The following EPHX2 variants were observed in gnomAD, a reference collection of about 807,000 sequenced individuals.
EPHX2 encodes bifunctional epoxide hydrolase 2.
EPHX2 carries 74 observed loss-of-function variants against 78.7 expected under a neutral mutation model. That is an observed-to-expected ratio of 0.94 (90% CI 0.78 to 1.14). EPHX2 has a LOEUF of 1.14. Ranked by LOEUF, EPHX2 falls within the 50% of genes most tolerant of loss-of-function variation. EPHX2 has a pLI of 0.00. For missense variants in EPHX2, 715 were observed against 702.5 expected (o/e 1.02, Z -0.20); for synonymous variants, 251 against 255.2 (o/e 0.98, Z 0.16).
chr8:27,502,103 C>T (rs62504278), intron 2 of EPHX2, among the ~76,000 whole-genome samples: 17,624 of 152,156 alleles, frequency 0.12, 1,076 homozygotes, highest in African/African-American at 0.17. Flanking sequence ...GCTCTGGATA[C>T]CATCCCTCCA....
chr8:27,502,552 G>A (rs1157783727), intron 2 of EPHX2, among the ~76,000 whole-genome samples: 1 of 152,204 alleles, frequency 6.6e-6, no homozygotes, highest in Non-Finnish European at 1.5e-5. Context: ...TGGAGGCTGG[G>A]AAGTCCAAGA....
chr8:27,526,773 A>T (rs1403865593), intron 12 of EPHX2, among the ~76,000 whole-genome samples: 2 of 151,916 alleles, frequency 1.3e-5, no homozygotes, highest in Non-Finnish European at 2.9e-5. Flanking sequence ...TTTTTGAGAC[A>T]GGATCTCACT....
chr8:27,493,321 G>A (rs1813454100), intron 1 of EPHX2, among the ~76,000 whole-genome samples: 1 of 152,168 alleles, frequency 6.6e-6, no homozygotes. Flanking sequence ...TCCCTGACTG[G>A]TTAGTTTAAA....
chr8:27,517,037 A>G (rs1814482824), intron 8 of EPHX2, among the ~76,000 whole-genome samples: 2 of 150,870 alleles, frequency 1.3e-5, no homozygotes, highest in South Asian at 4.2e-4. Flanking sequence ...CTCCTGCCTC[A>G]GCCTCCCTAG....
chr8:27,507,032 C>T (rs764879849), intron 5 of EPHX2, 38 bp downstream of exon 5: 5 of 1,606,092 alleles, frequency 3.1e-6, no homozygotes, highest in South Asian at 2.2e-5. Context: ...TTCCTGGACT[C>T]ATCTGTGGTT....
intron 12 of EPHX2, among the ~76,000 whole-genome samples, chr8:27,527,126 T>C (rs1814874186): frequency 1.3e-5 from 2 of 152,128 alleles, no homozygotes; most frequent in African/African-American, 4.8e-5. Context: ...TTTTTTTGTT[T>C]GTTTGTATTT....
Position 27,544,604 on chromosome 8 carries a change from T to A in EPHX2, c.*82T>A. 1 of 1,415,404 alleles carries A rather than the reference T, an allele frequency of 7.1e-7. No individual in the cohort carries two copies. The highest frequency in any genetic ancestry group is 1.1e-5 in the South Asian group (1 of 86,974). The allele number at this position is 1,415,404 out of a possible 1,614,324, so 87.7% of individuals were successfully genotyped here. ...CATTCTTAGTATACAGAGGTGGCCT[T>A]ACACACATCTTGCATGGATGGCAGC... On this transcript the variant is annotated 3_prime_UTR_variant, in exon 19 of 19. Coordinates refer to ENST00000521400, the MANE Select transcript of EPHX2 (RefSeq NM_001979.6).
At chr8:27,502,573 G>T (rs1813840268) in intron 2 of EPHX2, among the ~76,000 whole-genome samples, 1 of 152,200 alleles carries the variant, frequency 6.6e-6, no homozygotes, top group Non-Finnish European at 1.5e-5. Flanking sequence ...TGAAGGCACT[G>T]GCAGGTTCAG....
At position 27,541,529 on chromosome 8, in the gene EPHX2, G is replaced by C. The variant is rs755099141; in HGVS notation, c.1436G>C (p.Ser479Thr). 6.2e-7 allele frequency: 1 copy of C among 1,614,280 alleles called. No homozygotes were observed. The highest frequency in any genetic ancestry group is 1.1e-5 in the South Asian group (1 of 91,092). The part of the protein sequence containing the change: ...MERNWKWACK[S>T]LGRKILIPAL... ...AGGAACTGGAAGTGGGCTTGCAAAA[G>C]CTTGGGACGGAAGGTGAGTGCCAGG... is the stretch of plus-strand genomic sequence containing the variant. The change falls in exon 16 of 19, where the codon AGC becomes ACC. Residue 479 changes from serine to threonine, a missense_variant. By Grantham distance (58) the Ser-to-Thr change is moderately conservative (BLOSUM62 1). Coordinates refer to ENST00000521400, the MANE Select transcript of EPHX2 (RefSeq NM_001979.6).
chr8:27,533,367 G>A (rs1486722781), intron 12 of EPHX2, among the ~76,000 whole-genome samples: 2 of 152,144 alleles, frequency 1.3e-5, no homozygotes, highest in East Asian at 1.9e-4. Context: ...ACAGAAGGAG[G>A]AGCCCCTCTC....
intron 12 of EPHX2, among the ~76,000 whole-genome samples, chr8:27,532,504 C>A (rs1018442020): frequency 7.9e-5 from 12 of 152,196 alleles, no homozygotes; most frequent in African/African-American, 2.7e-4. Flanking sequence ...AAAGTGAATT[C>A]TCAACAGTTC....
chr8:27,528,618 TG>T (rs1239713224), intron 12 of EPHX2, among the ~76,000 whole-genome samples: 1 of 152,148 alleles, frequency 6.6e-6, no homozygotes, highest in Non-Finnish European at 1.5e-5. Flanking sequence ...GGATGTATAG[TG>T]GGTGCTGGGA....
At position 27,507,457 on chromosome 8, in the gene EPHX2, C is replaced by T. The variant is rs2132727369; in HGVS notation, c.660+463C>T. Among the ~76,000 whole-genome samples, 2 of 152,276 alleles carry T rather than the reference C, an allele frequency of 1.3e-5. 1 individual carries two copies. The highest frequency in any genetic ancestry group is 4.1e-4 in the South Asian group (2 of 4,820). The stretch of plus-strand genomic sequence containing the variant: ...GTGGTTGGGACAGCCATCATGATGT[C>T]CCTGGGGTTGCCTGGGGATTAGCCT... On this transcript the variant is annotated intron_variant, in intron 5 of 18. Transcript: ENST00000521400.
intron 1 of EPHX2, among the ~76,000 whole-genome samples, chr8:27,497,191 T>C (rs994518986): frequency 1.3e-5 from 2 of 152,204 alleles, no homozygotes; most frequent in African/African-American, 2.4e-5. Context: ...GTCAGGGTGA[T>C]GACATGAGCT....
At chr8:27,500,656 G>A (rs905363835) in intron 1 of EPHX2, among the ~76,000 whole-genome samples, 5 of 152,196 alleles carry the variant, frequency 3.3e-5, no homozygotes, top group Non-Finnish European at 5.9e-5. Flanking sequence ...TAGTAAAGTA[G>A]GAAGCGCCTC....
At chr8:27,522,311 G>C (rs997517451) in intron 10 of EPHX2, 112 bp from the exon 11 acceptor site, 63 of 909,782 alleles carry the variant, frequency 6.9e-5, no homozygotes, top group Non-Finnish European at 1.0e-4. Context: ...GAGAGCTGCT[G>C]TGGGTCGGGG....
chr8:27,526,660 G>T (rs1814856206), intron 12 of EPHX2, among the ~76,000 whole-genome samples: 1 of 152,136 alleles, frequency 6.6e-6, no homozygotes, highest in African/African-American at 2.4e-5. Flanking sequence ...CAAGATCAGG[G>T]TATTTGTAGA....
chr8:27,518,932 C>T (rs979995610), intron 9 of EPHX2, among the ~76,000 whole-genome samples: 2 of 152,250 alleles, frequency 1.3e-5, no homozygotes, highest in Non-Finnish European at 2.9e-5. Flanking sequence ...AGCCCCTATC[C>T]TGCTGTTGTC....
chr8:27,515,510 G>A (rs1023839191), intron 6 of EPHX2: 3 of 559,670 alleles, frequency 5.4e-6, no homozygotes, highest in South Asian at 2.3e-5. Context: ...TTAGGTTATG[G>A]TGAGAGCCAC....
Sources: allele counts gnomAD v4.1 joint callset (sites outside exome capture counted in the v4.1 genomes callset), GRCh38; gene constraint gnomAD v4.1.1; transcripts MANE v1.5; gene names NCBI Gene and HGNC (gene_info 2026-07-23, HGNC 2026-07-21).